C12orf56: variants seen among roughly 807,000 people sequenced by gnomAD.
The protein encoded by C12orf56 is chromosome 12 open reading frame 56, also known as uncharacterized protein C12orf56.
In C12orf56, 71 loss-of-function variants were observed where a neutral mutation model predicts 69.9. The ratio of observed to expected loss-of-function variants is 1.02; its 90% CI spans 0.84 to 1.24. C12orf56 has a LOEUF of 1.24. Among genes scored for constraint, C12orf56 ranks in the 50% most tolerant of loss-of-function variants. C12orf56 has a pLI of 0.00. For missense variants in C12orf56, 732 were observed against 738.5 expected (o/e 0.99, Z 0.10); for synonymous variants, 276 against 274.1 (o/e 1.01, Z -0.07).
chr12:64,365,398 C>T (rs1320719761), intron 1 of C12orf56, among the ~76,000 whole-genome samples: 1 of 151,684 alleles, frequency 6.6e-6, no homozygotes, highest in African/African-American at 2.4e-5. Context: ...AACTCCTGAC[C>T]TCGTGATCTG....
At chr12:64,340,515 A>T (rs2039061008) in intron 2 of C12orf56, among the ~76,000 whole-genome samples, 1 of 152,216 alleles carries the variant, frequency 6.6e-6, no homozygotes, top group Non-Finnish European at 1.5e-5. Context: ...GCATAATACA[A>T]CTATCCTTTG....
chr12:64,380,104 C>CAAAAA lies in C12orf56; in HGVS notation c.252+10205_252+10209dup, dbSNP rs60079906. 7.9e-3 allele frequency among the ~76,000 whole-genome samples: 394 copies of CAAAAA among 49,890 alleles called. 3 individuals are homozygous for CAAAAA. The highest frequency in any genetic ancestry group is 0.017 in the Middle Eastern group (1 of 58). 32.7% of individuals were successfully genotyped at this position (49,890 alleles called of 152,430 possible). A position where few individuals can be genotyped will look rare whatever the true frequency, so the allele number is the denominator to read the frequency against. Reference sequence around the variant, plus strand: ...TGGGCGACAGAGCAAGACTCCGTCGCAAAAAAAAAAAAAAAAAAAAAAAAA... The same window carrying CAAAAA: ...TGGGCGACAGAGCAAGACTCCGTCGCAAAAAAAAAAAAAAAAAAAAAAAAAAAAAA... On this transcript the variant is annotated intron_variant, in intron 1 of 12. Coordinates refer to ENST00000543942, the MANE Select transcript of C12orf56 (RefSeq NM_001170633.2).
chr12:64,334,136 G>A (rs906221648), intron 2 of C12orf56, among the ~76,000 whole-genome samples: 4 of 152,074 alleles, frequency 2.6e-5, no homozygotes, highest in African/African-American at 4.8e-5. Context: ...TTTTTAGAAG[G>A]GACACTACAA....
chr12:64,390,532 G>C lies in C12orf56; in HGVS notation c.34C>G (p.Arg12Gly), dbSNP rs2039856093. 3.1e-6 allele frequency: 5 copies of C among 1,596,074 alleles called. No homozygotes were observed. Among genetic ancestry groups the C allele is most frequent in the Non-Finnish European group, 4.2e-6 (5 of 1,177,904 alleles). ...AACACATCCAGGCGGCTGTTCCTGC[G>C]CGCGGGGAAGCCGGACGGCAAGGGG... ...ASPLPSGFPA[R>G]RNSRLDVFLR... The change falls in exon 1 of 13, where the codon CGC (arginine) becomes GGC (glycine). Residue 12 changes from arginine to glycine, a missense_variant. Coordinates refer to ENST00000543942, the MANE Select transcript of C12orf56 (RefSeq NM_001170633.2).
intron 1 of C12orf56, among the ~76,000 whole-genome samples, chr12:64,360,019 G>T (rs941487389): frequency 6.6e-6 from 1 of 152,010 alleles, no homozygotes; most frequent in Non-Finnish European, 1.5e-5. Context: ...CCAGCGAAAA[G>T]AATTTCTTTA....
chr12:64,305,303 G>A (rs187984448), intron 5 of C12orf56, among the ~76,000 whole-genome samples: 5 of 152,184 alleles, frequency 3.3e-5, no homozygotes, highest in Non-Finnish European at 1.5e-5. Flanking sequence ...AAGTTACATA[G>A]CTTCTTTGTG....
At chr12:64,347,613 G>T (rs1351447859) in intron 2 of C12orf56, among the ~76,000 whole-genome samples, 1 of 152,056 alleles carries the variant, frequency 6.6e-6, no homozygotes, top group Admixed American at 6.6e-5. Context: ...GTCTCACTCT[G>T]TCCCCCAGGA....
intron 2 of C12orf56, among the ~76,000 whole-genome samples, chr12:64,333,505 A>T (rs74982962): frequency 1.4e-5 from 2 of 147,460 alleles, no homozygotes; most frequent in African/African-American, 5.2e-5. Flanking sequence ...ATTTTTATTT[A>T]TTTTTTTATT....
At chr12:64,338,491 T>G (rs2039028073) in intron 2 of C12orf56, 2 of 965,624 alleles carry the variant, frequency 2.1e-6, no homozygotes, top group Admixed American at 1.7e-5. Flanking sequence ...AAACAATCAT[T>G]CAGGGCTCCA....
chr12:64,285,685 A>G (rs987759756), intron 7 of C12orf56, among the ~76,000 whole-genome samples: 1 of 152,154 alleles, frequency 6.6e-6, no homozygotes, highest in African/African-American at 2.4e-5. Flanking sequence ...TTGCTCCGGT[A>G]GCTGAAGCAT....
rs1037504852 is a variant in C12orf56, at chr12:64,390,696, C to G, written c.-131G>C. ...GTCGCCTCCTCTCCAGGCGCGGGGA[C>G]CCGGGCCGCAACTGCAGGAATCGAC... On this transcript the variant is annotated 5_prime_UTR_variant, in exon 1 of 13. Coordinates refer to ENST00000543942, the MANE Select transcript of C12orf56 (RefSeq NM_001170633.2). 54 of 1,297,434 alleles carry G rather than the reference C, an allele frequency of 4.2e-5. No individual in the cohort carries two copies. The highest frequency in any genetic ancestry group is 5.1e-5 in the Non-Finnish European group (51 of 1,006,904). 80.4% of individuals were successfully genotyped at this position (1,297,434 alleles called of 1,614,324 possible). A position where few individuals can be genotyped will look rare whatever the true frequency, so the allele number is the denominator to read the frequency against.
chr12:64,283,097 G>C (rs2038153336), intron 8 of C12orf56, among the ~76,000 whole-genome samples: 1 of 151,916 alleles, frequency 6.6e-6, no homozygotes, highest in East Asian at 1.9e-4. Context: ...AGCCAAGATT[G>C]TGCCATTGCA....
chr12:64,306,447 T>G (rs2038513715), intron 5 of C12orf56, among the ~76,000 whole-genome samples: 1 of 151,604 alleles, frequency 6.6e-6, no homozygotes, highest in Non-Finnish European at 1.5e-5. Context: ...AGACAGAGTC[T>G]TCTTCTGTCA....
At chr12:64,322,326 CT>C (rs1207119921) in intron 3 of C12orf56, among the ~76,000 whole-genome samples, 1 of 152,130 alleles carries the variant, frequency 6.6e-6, no homozygotes, top group Non-Finnish European at 1.5e-5. Flanking sequence ...TGACTTTCCT[CT>C]GTCATCTCCA....
Position 64,288,710 on chromosome 12 carries a change from T to A in C12orf56, c.1114-2650A>T, listed in dbSNP as rs1171566688. Among the ~76,000 whole-genome samples, 4 of 141,366 alleles carry A rather than the reference T, an allele frequency of 2.8e-5. No individual in the cohort carries two copies. The South Asian group carries it at 9.5e-4, about 34-fold the overall frequency. 92.7% of individuals were successfully genotyped at this position (141,366 alleles called of 152,430 possible). A position where few individuals can be genotyped will look rare whatever the true frequency, so the allele number is the denominator to read the frequency against. On this transcript the variant is annotated intron_variant, in intron 6 of 12. Transcript: ENST00000543942. ...CTCTGTTCTGTTCCATTGATCTATA[T>A]CTCTGTTTTGGTACCAGTACCATGC...
In C12orf56 at chr12:64,303,736, G is replaced by A; in HGVS notation, c.1012C>T (p.Leu338Phe). The A allele has an allele frequency of 6.3e-7, 1 of 1,586,946 alleles. No individual in the cohort carries two copies. Among genetic ancestry groups the A allele is most frequent in the Non-Finnish European group, 8.6e-7 (1 of 1,167,408 alleles). ...IKHFSQLKSE[L>F]FLKDNSLRRI... is the part of the protein sequence containing the mutation. Reference sequence around the variant, plus strand: ...CTCAAAGAATTGTCTTTAAGAAAAAGTTCAGATTTAAGTTGACTGAAGTGC... The same window carrying A: ...CTCAAAGAATTGTCTTTAAGAAAAAATTCAGATTTAAGTTGACTGAAGTGC... Residue 338 changes from leucine (L) to phenylalanine (F), a missense_variant, in exon 6 of 13, where the codon CTT becomes TTT. Transcript: ENST00000543942.
At chr12:64,321,008 C>T (rs989692557) in intron 3 of C12orf56, among the ~76,000 whole-genome samples, 1 of 152,212 alleles carries the variant, frequency 6.6e-6, no homozygotes, top group Non-Finnish European at 1.5e-5. Flanking sequence ...CTCTGCTCAG[C>T]TTTTCAGACC....
At chr12:64,269,359 C>T (rs1209804580) in intron 12 of C12orf56, among the ~76,000 whole-genome samples, 1 of 152,016 alleles carries the variant, frequency 6.6e-6, no homozygotes, top group Non-Finnish European at 1.5e-5. Flanking sequence ...GCTTTGGCAG[C>T]CTATAAATAG....
At chr12:64,383,439 C>T (rs1253732045) in intron 1 of C12orf56, among the ~76,000 whole-genome samples, 2 of 152,004 alleles carry the variant, frequency 1.3e-5, no homozygotes, top group African/African-American at 4.8e-5. Flanking sequence ...TGCAGTGGCG[C>T]GATCTTGGCT....
Sources: gnomAD v4.1 joint callset for allele counts (sites outside exome capture counted in the v4.1 genomes callset) on GRCh38, gnomAD v4.1.1 for gene constraint, MANE v1.5 for transcripts, NCBI Gene and HGNC (gene_info 2026-07-23, HGNC 2026-07-21) for gene names.